The following DVL1 variants were observed in gnomAD, a reference collection of about 807,000 sequenced individuals.
DVL1 encodes segment polarity protein dishevelled homolog DVL-1.
Under a neutral mutation model 65.0 loss-of-function variants are expected in DVL1, and 49 were observed. That is an observed-to-expected ratio of 0.75 (90% CI 0.60 to 0.96). The LOEUF (loss-of-function observed/expected upper bound fraction) is 0.96. Ranked by LOEUF, DVL1 falls within the 40% of genes least tolerant of loss-of-function variation. The pLI, the probability that DVL1 is intolerant of heterozygous loss-of-function variation, is 0.00. For missense variants in DVL1, 1,197 were observed against 1,045.4 expected (o/e 1.15, Z -2.00); for synonymous variants, 608 against 433.9 (o/e 1.40, Z -4.99).
At chr1:1,343,537 T>C (rs1189821823) in intron 1 of DVL1, among the ~76,000 whole-genome samples, 3 of 152,174 alleles carry the variant, frequency 2.0e-5, no homozygotes, top group Admixed American at 2.0e-4. Context: ...CTCTCCATCA[T>C]GCCAGCCATG....
rs1557667753 is a variant in DVL1 at position 1,340,324 on chromosome 1, GGA to G, written c.700-10_700-9del. On this transcript the variant is annotated splice_polypyrimidine_tract_variant and intron_variant, in intron 6 of 14. Transcript: ENST00000378888. ...GCTGCTGAAGGAGGAGGCCTATGGA[GGA>G]GAGGGGGCGTGTGTAAAAGGCACGG... The G allele has an allele frequency of 6.2e-7, 1 of 1,613,980 alleles. No individual in the cohort carries two copies. Among genetic ancestry groups the G allele is most frequent in the African/African-American group, 1.3e-5 (1 of 75,042 alleles).
At chr1:1,338,973 C>T (rs768163242) in intron 11 of DVL1, among the ~76,000 whole-genome samples, 15 of 152,226 alleles carry the variant, frequency 9.9e-5, no homozygotes, top group Non-Finnish European at 2.1e-4. Flanking sequence ...ATGCCCCACC[C>T]GAGAGCGCAG....
rs142013934 is a variant in DVL1 at position 1,336,410 on chromosome 1, G to T, written c.1820C>A (p.Thr607Lys). The T allele has an allele frequency of 1.3e-6, 2 of 1,598,270 alleles. No homozygotes were observed. The highest frequency in any genetic ancestry group is 8.5e-7 in the Non-Finnish European group (1 of 1,178,052). Residue 607 changes from threonine to lysine, a missense_variant, in exon 15 of 15, where the codon ACG (threonine) becomes AAG (lysine). By Grantham distance (78) the Thr-to-Lys change is moderately conservative (BLOSUM62 -1). Transcript: ENST00000378888. ...GCTGCTCCCCACCCCACTCGGTGCC[G>T]TGTGATCCGATTCACTGCCACTGCC... ...AGGSGSESDH[T>K]APSGVGSSWR...
At chr1:1,341,465 CA>C (rs1557669627) in intron 5 of DVL1, among the ~76,000 whole-genome samples, 1 of 152,186 alleles carries the variant, frequency 6.6e-6, no homozygotes, top group Non-Finnish European at 1.5e-5. Context: ...GGCGCGCACA[CA>C]CGTGCACAGT....
intron 2 of DVL1, 97 bp from the exon 3 acceptor site, chr1:1,342,581 C>G: frequency 6.4e-7 from 1 of 1,573,342 alleles, no homozygotes. Flanking sequence ...CTGCCCTATC[C>G]GCACCCAGCC....
rs1268872331 is a variant in DVL1 at position 1,336,497 on chromosome 1, G to A, written c.1733C>T (p.Ser578Phe). The A allele has an allele frequency of 6.6e-7, 1 of 1,525,154 alleles. No individual in the cohort carries two copies. The highest frequency in any genetic ancestry group is 8.7e-7 in the Non-Finnish European group (1 of 1,145,714). The allele number at this position is 1,525,154 out of a possible 1,614,324, so 94.5% of individuals were successfully genotyped here. ...CGGGGCCCGGCGGCTGCTCCGGGTG[G>A]ACCCACTGCTTTTGCTCCCTGGGAG... ...QQSEGSKSSG[S>F]TRSSRRAPGR... Residue 578 changes from serine (S) to phenylalanine (F), a missense_variant, in exon 15 of 15, where the codon TCC becomes TTC. By Grantham distance (155) the Ser-to-Phe change is radical (BLOSUM62 -2). Coordinates refer to ENST00000378888, the MANE Select transcript of DVL1 (RefSeq NM_001330311.2).
At chr1:1,336,958 G>A (rs1210301054) in intron 14 of DVL1, 17 of 976,950 alleles carry the variant, frequency 1.7e-5, no homozygotes, top group Non-Finnish European at 2.0e-5. Flanking sequence ...CGCAGTGGGA[G>A]CTGGAGGGCG....
rs1237253208 is a variant in DVL1 at position 1,340,306 on chromosome 1, A to C, written c.710T>G (p.Phe237Cys). 6.2e-7 allele frequency: 1 copy of C among 1,613,842 alleles called. No homozygotes were observed. The highest frequency in any genetic ancestry group is 1.1e-5 in the South Asian group (1 of 91,096). ...CATGGTGGAGTCGGTTATGCTGCTG[A>C]AGGAGGAGGCCTATGGAGGAGAGGG... ...RLRQADRASS[F>C]SSITDSTMSL... is the part of the protein sequence containing the mutation. Residue 237 changes from phenylalanine to cysteine, a missense_variant, in exon 7 of 15, where the codon TTC (phenylalanine) becomes TGC (cysteine). Coordinates refer to ENST00000378888, the MANE Select transcript of DVL1 (RefSeq NM_001330311.2).
chr1:1,339,502 AG>A (rs1393260536), intron 10 of DVL1, 63 bp from the exon 11 acceptor site: 1 of 1,546,842 alleles, frequency 6.5e-7, no homozygotes, highest in Non-Finnish European at 8.7e-7. Flanking sequence ...GGCAGGGTGC[AG>A]GGCACAGAGG....
At position 1,335,959 on chromosome 1, in the gene DVL1, G is replaced by T; in HGVS notation, c.*183C>A. On this transcript the variant is annotated 3_prime_UTR_variant, in exon 15 of 15. Coordinates refer to ENST00000378888, the MANE Select transcript of DVL1 (RefSeq NM_001330311.2). ...GAGAGGGAGCGCCCCCAACACGGCT[G>T]CTCAGACACAGGTGCTGTCAGGAGC... The T allele has an allele frequency of 1.3e-6, 1 of 777,920 alleles. No individual in the cohort carries two copies. Among genetic ancestry groups the T allele is most frequent in the Non-Finnish European group, 2.0e-6 (1 of 497,624 alleles). 48.2% of individuals were successfully genotyped at this position (777,920 alleles called of 1,614,324 possible).
chr1:1,343,448 G>A (rs902051657), intron 1 of DVL1, among the ~76,000 whole-genome samples: 16 of 151,458 alleles, frequency 1.1e-4, no homozygotes, highest in Non-Finnish European at 2.1e-4. Flanking sequence ...TCAACAGCCA[G>A]GGCATCAGGC....
Position 1,342,726 on chromosome 1 carries a change from G to A in DVL1, c.203C>T (p.Ala68Val), listed in dbSNP as rs778529281. ...VVKEEIFDDN[A>V]KLPCFNGRVV... ...GCGGCCGTTGAAGCAGGGAAGCTTG[G>A]CATTGTCATCAAAGATCTCCTCCTT... The change falls in exon 2 of 15, where the codon GCC becomes GTC. Residue 68 changes from alanine (A) to valine (V), a missense_variant. Transcript: ENST00000378888. 1.2e-6 allele frequency: 2 copies of A among 1,613,094 alleles called. No homozygotes were observed. Among genetic ancestry groups the A allele is most frequent in the Non-Finnish European group, 1.7e-6 (2 of 1,179,782 alleles).
chr1:1,341,573 A>T (rs1349788105), intron 5 of DVL1, 94 bp downstream of exon 5: 90 of 1,445,072 alleles, frequency 6.2e-5, no homozygotes, highest in Non-Finnish European at 8.2e-5. Flanking sequence ...CACACGTGCA[A>T]TGTGAAAACA....
intron 7 of DVL1, 34 bp downstream of exon 7, chr1:1,340,213 G>A (rs1426520751): frequency 6.2e-7 from 1 of 1,613,740 alleles, no homozygotes; most frequent in East Asian, 2.2e-5. Context: ...CCAAGCCCCT[G>A]CCCCTGCCCC....
intron 1 of DVL1, among the ~76,000 whole-genome samples, chr1:1,348,181 G>C (rs1046005813): frequency 2.0e-5 from 3 of 152,186 alleles, no homozygotes; most frequent in Non-Finnish European, 4.4e-5. Context: ...CCCTGTCCCA[G>C]AGGGCCCAGC....
chr1:1,347,562 C>G (rs972152257), intron 1 of DVL1, among the ~76,000 whole-genome samples: 13 of 152,228 alleles, frequency 8.5e-5, no homozygotes, highest in Non-Finnish European at 1.9e-4. Flanking sequence ...TGGTGGCACA[C>G]ATTTGCAACA....
rs772468443 is a variant in DVL1 at position 1,340,360 on chromosome 1, G to A, written c.700-44C>T. The A allele has an allele frequency of 7.3e-5, 118 of 1,613,252 alleles. 1 individual carries two copies. Among genetic ancestry groups the A allele is most frequent in the Admixed American group, 1.5e-4 (9 of 59,964 alleles). On this transcript the variant is annotated intron_variant, in intron 6 of 14. Transcript: ENST00000378888. ...GTGTGTAAAAGGCACGGGGCTGCCCGACACTGACTTCGCCTCCCCAGCCCC... is the reference window on the plus strand; with the variant it reads ...GTGTGTAAAAGGCACGGGGCTGCCCAACACTGACTTCGCCTCCCCAGCCCC...
chr1:1,336,473 G>C lies in DVL1; in HGVS notation c.1757C>G (p.Pro586Arg), dbSNP rs113005319. ...CGCCCGACGCTCCTTCTCACGGCCC[G>C]GGGCCCGGCGGCTGCTCCGGGTGGA... ...SGSTRSSRRA[P>R]GREKERRAAG... Residue 586 changes from proline (P) to arginine (R), a missense_variant, in exon 15 of 15, where the codon CCG becomes CGG. Coordinates refer to ENST00000378888, the MANE Select transcript of DVL1 (RefSeq NM_001330311.2). 0.016 allele frequency: 24,217 copies of C among 1,550,932 alleles called. 230 individuals are homozygous for C. Among genetic ancestry groups the C allele is most frequent in the Non-Finnish European group, 0.018 (20,465 of 1,157,656 alleles).
At chr1:1,340,643 C>T in intron 5 of DVL1, 140 bp from the exon 6 acceptor site, 1 of 850,310 alleles carries the variant, frequency 1.2e-6, no homozygotes, top group South Asian at 1.7e-5. Context: ...CGTCCACGCC[C>T]CAGGCCCTGC....
Sources: allele counts gnomAD v4.1 joint callset (sites outside exome capture counted in the v4.1 genomes callset), GRCh38; gene constraint gnomAD v4.1.1; transcripts MANE v1.5; gene names NCBI Gene and HGNC (gene_info 2026-07-23, HGNC 2026-07-21).